EYS: variants seen among roughly 807,000 people sequenced by gnomAD.
EYS encodes the protein EGF-like photoreceptor maintenance factor.
Under a neutral mutation model 282.1 loss-of-function variants are expected in EYS, and 250 were observed. The ratio of observed to expected loss-of-function variants is 0.89; its 90% CI spans 0.80 to 0.98. The LOEUF is 0.98. EYS is among the 50% of genes least tolerant of loss of function. EYS has a pLI of 0.00. For missense variants in EYS, 4,016 were observed against 3,709.0 expected (o/e 1.08, Z -2.15); for synonymous variants, 1,355 against 1,282.9 (o/e 1.06, Z -1.20).
At chr6:65,640,292 T>A (rs1199905191) in intron 1 of EYS, among the ~76,000 whole-genome samples, 1 of 152,232 alleles carries the variant, frequency 6.6e-6, no homozygotes, top group African/African-American at 2.4e-5. Flanking sequence ...AGTGGGTCCA[T>A]GAAAGGGCTT....
chr6:65,210,865 C>T (rs1766158718), intron 12 of EYS, among the ~76,000 whole-genome samples: 1 of 151,630 alleles, frequency 6.6e-6, no homozygotes, highest in South Asian at 2.1e-4. Flanking sequence ...TTATAATGGC[C>T]TCTTGACTAG....
chr6:64,737,630 T>C (rs1033204692), intron 22 of EYS, among the ~76,000 whole-genome samples: 5 of 152,218 alleles, frequency 3.3e-5, no homozygotes, highest in Admixed American at 6.5e-5. Flanking sequence ...GCAAGTGAGG[T>C]CTGATAGGTC....
intron 22 of EYS, among the ~76,000 whole-genome samples, chr6:64,755,795 A>G (rs981957983): frequency 3.3e-5 from 5 of 152,124 alleles, no homozygotes; most frequent in African/African-American, 1.2e-4. Context: ...TGGGCACAAT[A>G]TACACTATTC....
chr6:64,672,055 G>T (rs957586632), intron 22 of EYS, among the ~76,000 whole-genome samples: 1 of 152,006 alleles, frequency 6.6e-6, no homozygotes, highest in African/African-American at 2.4e-5. Flanking sequence ...GAATTATTCT[G>T]GTTTTAGATC....
intron 8 of EYS, among the ~76,000 whole-genome samples, chr6:65,376,300 A>G (rs1475238555): frequency 6.6e-6 from 1 of 152,206 alleles, no homozygotes; most frequent in Admixed American, 6.5e-5. Context: ...GAGGAGAAAT[A>G]AAATCCTTTA....
At chr6:64,332,904 G>A (rs1239829215) in intron 29 of EYS, among the ~76,000 whole-genome samples, 1 of 152,164 alleles carries the variant, frequency 6.6e-6, no homozygotes, top group Non-Finnish European at 1.5e-5. Context: ...TGCCAAGCTT[G>A]TTGCCCAGAA....
chr6:64,312,939 A>G (rs922016165), intron 29 of EYS, among the ~76,000 whole-genome samples: 2 of 152,210 alleles, frequency 1.3e-5, no homozygotes, highest in Non-Finnish European at 2.9e-5. Flanking sequence ...ACCAGTGCAA[A>G]AGGCTGAAAA....
At chr6:64,168,029 G>A (rs146544778) in intron 31 of EYS, among the ~76,000 whole-genome samples, 1,680 of 152,272 alleles carry the variant, frequency 0.011, 29 homozygotes, top group African/African-American at 0.038. Flanking sequence ...TTGGGAGGCC[G>A]AGGCAGGCGG....
At chr6:64,634,613 T>A (rs973036259) in intron 22 of EYS, among the ~76,000 whole-genome samples, 4 of 150,502 alleles carry the variant, frequency 2.7e-5, no homozygotes, top group Non-Finnish European at 5.9e-5. Flanking sequence ...ATAGTCAATA[T>A]ACTTGGGAAC....
intron 30 of EYS, among the ~76,000 whole-genome samples, chr6:64,300,672 G>C (rs945195318): frequency 6.6e-6 from 1 of 152,158 alleles, no homozygotes; most frequent in Non-Finnish European, 1.5e-5. Flanking sequence ...TGAAGGTTTT[G>C]CATGACCTAC....
At position 64,203,060 on chromosome 6, in the gene EYS, C is replaced by T. The variant is rs1163764166; in HGVS notation, c.6424+27532G>A. ...CAAAGACCTGAGAGATATAAGGTGG[C>T]ACGACAAGAGTTTCCTCTATGTCCA... On this transcript the variant is annotated intron_variant, in intron 31 of 42. Transcript: ENST00000503581. Among the ~76,000 whole-genome samples, 3 of 152,274 alleles carry T rather than the reference C, an allele frequency of 2.0e-5. No individual in the cohort carries two copies. The East Asian group carries it at 5.8e-4, about 29-fold the overall frequency.
intron 12 of EYS, among the ~76,000 whole-genome samples, chr6:65,208,041 T>G (rs2150250190): frequency 6.6e-6 from 1 of 151,654 alleles, no homozygotes; most frequent in South Asian, 2.1e-4. Flanking sequence ...AGCTTCTACC[T>G]AACAAAAGAA....
chr6:65,022,323 C>T (rs1334846417), intron 13 of EYS, among the ~76,000 whole-genome samples: 1 of 152,152 alleles, frequency 6.6e-6, no homozygotes, highest in Non-Finnish European at 1.5e-5. Context: ...GCCAGTTTAT[C>T]TAATTGGATA....
rs572315774 is a variant in EYS, at chr6:64,454,844, T to C, written c.5645-15492A>G. 6.6e-5 allele frequency among the ~76,000 whole-genome samples: 10 copies of C among 152,300 alleles called. No individual in the cohort carries two copies. In the East Asian group the frequency reaches 1.9e-3, roughly 29 times the overall value. On this transcript the variant is annotated intron_variant, in intron 26 of 42. Transcript: ENST00000503581. ...GATATTTTATCTTCTTGTATGTGGA[T>C]ACGGTAGATGTCTCCCTTATATGAC...
intron 12 of EYS, among the ~76,000 whole-genome samples, chr6:65,262,087 A>G (rs1055323593): frequency 6.6e-6 from 1 of 151,988 alleles, no homozygotes; most frequent in African/African-American, 2.4e-5. Context: ...CCATCCCTAA[A>G]TCTCTGCACC....
At chr6:64,970,627 T>C (rs1303484003) in intron 14 of EYS, among the ~76,000 whole-genome samples, 3 of 152,306 alleles carry the variant, frequency 2.0e-5, no homozygotes, top group East Asian at 3.9e-4. Flanking sequence ...AAATTGTGCA[T>C]CACAGTAAAA....
intron 1 of EYS, among the ~76,000 whole-genome samples, chr6:65,676,659 C>T (rs915317696): frequency 6.6e-6 from 1 of 151,684 alleles, no homozygotes; most frequent in African/African-American, 2.4e-5. Context: ...AATCTTTTTC[C>T]ACTTGCTAAA....
chr6:65,365,613 C>T (rs12205162), intron 8 of EYS, among the ~76,000 whole-genome samples: 102,579 of 151,270 alleles, frequency 0.68, 35,023 homozygotes, highest in South Asian at 0.71. Context: ...GCCTGTCTTC[C>T]TCAACATTGT....
At chr6:65,155,510 T>C (rs561373773) in intron 12 of EYS, among the ~76,000 whole-genome samples, 3 of 151,536 alleles carry the variant, frequency 2.0e-5, no homozygotes, top group Non-Finnish European at 4.4e-5. Flanking sequence ...GGGGAGTTTG[T>C]AGATTAAATG....
Sources: gnomAD v4.1 joint callset for allele counts (sites outside exome capture counted in the v4.1 genomes callset) on GRCh38, gnomAD v4.1.1 for gene constraint, MANE v1.5 for transcripts, NCBI Gene and HGNC (gene_info 2026-07-23, HGNC 2026-07-21) for gene names.